The following ZNF33A variants were observed in gnomAD, a reference collection of about 807,000 sequenced individuals.
ZNF33A encodes the protein zinc finger protein 33A.
A neutral mutation model predicts 15.9 loss-of-function variants in ZNF33A; 9 were observed. That is an observed-to-expected ratio of 0.57 (90% CI 0.34 to 0.99). The LOEUF is 0.99. Among genes scored for constraint, ZNF33A ranks in the 50% least tolerant of loss-of-function variants. The pLI is 0.02. For missense variants in ZNF33A, 843 were observed against 941.6 expected (o/e 0.90, Z 1.37); for synonymous variants, 294 against 324.2 (o/e 0.91, Z 1.00).
At chr10:38,052,395 A>G (rs909589926) in intron 4 of ZNF33A, among the ~76,000 whole-genome samples, 6 of 152,130 alleles carry the variant, frequency 3.9e-5, no homozygotes, top group African/African-American at 1.2e-4. Context: ...TTTTGCAGCT[A>G]TGTCTGGCAA....
chr10:38,037,064 A>G (rs2065483608), intron 4 of ZNF33A, among the ~76,000 whole-genome samples: 1 of 152,168 alleles, frequency 6.6e-6, no homozygotes, highest in African/African-American at 2.4e-5. Flanking sequence ...TCTTGGTAGC[A>G]AAAGAGTTTT....
At chr10:38,046,559 T>A (rs1388378716) in intron 4 of ZNF33A, among the ~76,000 whole-genome samples, 2 of 152,106 alleles carry the variant, frequency 1.3e-5, no homozygotes, top group African/African-American at 2.4e-5. Context: ...ACAAAAATAC[T>A]TATAGGAAGC....
At chr10:38,031,618 A>T (rs1207647600) in intron 4 of ZNF33A, among the ~76,000 whole-genome samples, 1 of 152,008 alleles carries the variant, frequency 6.6e-6, no homozygotes, top group Non-Finnish European at 1.5e-5. Context: ...CTCCAAATAA[A>T]AAGTTTTGTA....
At chr10:38,063,974 G>A, downstream of ZNF33A, 1 of 980,150 alleles carries the variant, frequency 1.0e-6, no homozygotes, top group Non-Finnish European at 1.6e-6. Flanking sequence ...GTGCCTGCAG[G>A]ACAGTGCATT....
At chr10:38,028,532 A>G (rs1243712767) in intron 4 of ZNF33A, among the ~76,000 whole-genome samples, 1 of 151,012 alleles carries the variant, frequency 6.6e-6, no homozygotes, top group Non-Finnish European at 1.5e-5. Flanking sequence ...CAGTGGTACG[A>G]TCTTGGCTCA....
At chr10:38,049,890 G>A (rs755154143) in intron 4 of ZNF33A, among the ~76,000 whole-genome samples, 3 of 152,136 alleles carry the variant, frequency 2.0e-5, no homozygotes, top group Non-Finnish European at 4.4e-5. Context: ...AAATAAGAAT[G>A]ATGAATCACT....
chr10:38,051,303 C>A (rs2066191741), intron 4 of ZNF33A, among the ~76,000 whole-genome samples: 2 of 151,926 alleles, frequency 1.3e-5, no homozygotes, highest in Non-Finnish European at 1.5e-5. Flanking sequence ...TTATATATAC[C>A]GAAACTTGTA....
At chr10:38,039,425 A>G (rs918526039) in intron 4 of ZNF33A, 22 of 447,978 alleles carry the variant, frequency 4.9e-5, no homozygotes, top group Admixed American at 2.2e-4. Context: ...ATGGGGTTTC[A>G]CCATGTTCCT....
At chr10:38,041,138 T>C (rs1250552960) in intron 4 of ZNF33A, among the ~76,000 whole-genome samples, 5 of 152,042 alleles carry the variant, frequency 3.3e-5, no homozygotes, top group Non-Finnish European at 7.4e-5. Flanking sequence ...ATTATTTTTA[T>C]AGGTTTCGAG....
chr10:38,012,296 A>G lies in ZNF33A; in HGVS notation c.-44-2A>G. 2 of 1,609,670 alleles carry G rather than the reference A, an allele frequency of 1.2e-6. No homozygotes were observed. Among genetic ancestry groups the G allele is most frequent in the Non-Finnish European group, 8.5e-7 (1 of 1,178,868 alleles). ...GACCCCATTCCTCTTTTTCTAACTC[A>G]GCTGTATCTTCAGAGTTGTCTCCGT... is the stretch of plus-strand genomic sequence containing the variant. On this transcript the variant is annotated splice_acceptor_variant, in intron 1 of 4. Transcript: ENST00000432900. LOFTEE classifies it low-confidence loss of function (5UTR_SPLICE).
intron 1 of ZNF33A, among the ~76,000 whole-genome samples, chr10:38,011,510 G>A (rs1268988743): frequency 6.6e-6 from 1 of 152,122 alleles, no homozygotes; most frequent in Non-Finnish European, 1.5e-5. Flanking sequence ...GGGAGGCGGA[G>A]GTTACAGGTA....
intron 4 of ZNF33A, among the ~76,000 whole-genome samples, chr10:38,053,825 A>G (rs2066326377): frequency 1.3e-5 from 2 of 152,004 alleles, no homozygotes; most frequent in South Asian, 4.2e-4. Flanking sequence ...CCTTTCTGGG[A>G]GTAGTTTTGT....
chr10:38,010,909 G>C (rs564404548), intron 1 of ZNF33A, 126 bp downstream of exon 1: 3 of 1,212,042 alleles, frequency 2.5e-6, no homozygotes, highest in South Asian at 2.7e-5. Context: ...AGGCGGGGAC[G>C]GCGGGGCTGC....
chr10:38,055,518 G>T lies in ZNF33A; in HGVS notation c.1394G>T (p.Gly465Val). ...HLKVHQRTHT[G>V]EKPFECLECG... ...AAAGTACACCAGAGAACTCACACAG[G>T]TGAGAAACCTTTTGAATGTCTTGAG... The change falls in exon 5 of 5, where the codon GGT (glycine) becomes GTT (valine). Residue 465 changes from glycine to valine, a missense_variant. Coordinates refer to ENST00000432900, the MANE Select transcript of ZNF33A (RefSeq NM_006954.2). 1 of 1,614,064 alleles carries T rather than the reference G, an allele frequency of 6.2e-7. No individual in the cohort carries two copies. Among genetic ancestry groups the T allele is most frequent in the Non-Finnish European group, 8.5e-7 (1 of 1,180,006 alleles).
chr10:38,065,693 A>G (rs1264972042), downstream of ZNF33A, among the ~76,000 whole-genome samples: 12 of 147,274 alleles, frequency 8.1e-5, no homozygotes, highest in Admixed American at 2.0e-4. Flanking sequence ...GCCAATTTCC[A>G]TGTCTTCCCA....
At chr10:38,038,842 A>G (rs1422810743) in intron 4 of ZNF33A, among the ~76,000 whole-genome samples, 1 of 152,178 alleles carries the variant, frequency 6.6e-6, no homozygotes, top group Non-Finnish European at 1.5e-5. Flanking sequence ...TGAGATGATC[A>G]TGTGGTTATT....
downstream of ZNF33A, among the ~76,000 whole-genome samples, chr10:38,066,485 C>T (rs2066710617): frequency 6.6e-6 from 1 of 151,816 alleles, no homozygotes; most frequent in Admixed American, 6.6e-5. Flanking sequence ...AATTCCTGAC[C>T]TCGTGATCCA....
At chr10:38,032,487 C>T (rs540341723) in intron 4 of ZNF33A, among the ~76,000 whole-genome samples, 8 of 152,164 alleles carry the variant, frequency 5.3e-5, no homozygotes, top group East Asian at 1.9e-4. Flanking sequence ...CTGTTGCCCA[C>T]GCTGGAGTGC....
intron 4 of ZNF33A, among the ~76,000 whole-genome samples, chr10:38,038,397 C>T (rs970790881): frequency 1.6e-4 from 24 of 152,076 alleles, no homozygotes; most frequent in Admixed American, 1.1e-3. Flanking sequence ...ACATTATGCC[C>T]GGCCAGAATT....
Sources: allele counts gnomAD v4.1 joint callset (sites outside exome capture counted in the v4.1 genomes callset), GRCh38; gene constraint gnomAD v4.1.1; transcripts MANE v1.5; gene names NCBI Gene and HGNC (gene_info 2026-07-23, HGNC 2026-07-21).